The following CAPN7 variants were observed in gnomAD, a reference collection of about 807,000 sequenced individuals.
CAPN7 encodes calpain-7.
A neutral mutation model predicts 115.2 loss-of-function variants in CAPN7; 72 were observed. The ratio of observed to expected loss-of-function variants is 0.63; its 90% CI spans 0.52 to 0.76. The LOEUF is 0.76. Ranked by LOEUF, CAPN7 falls within the 30% of genes least tolerant of loss-of-function variation. The pLI is 0.00. For synonymous variants in CAPN7, 344 were observed against 322.3 expected, an observed-to-expected ratio of 1.07 and a Z score of -0.72; for missense variants, 905 against 971.5, an observed-to-expected ratio of 0.93 and a Z score of 0.91.
rs143858420 is a variant in CAPN7, at chr3:15,235,427, G to A, written c.1407+282G>A. 9.2e-5 allele frequency among the ~76,000 whole-genome samples: 14 copies of A among 152,264 alleles called. 1 individual carries two copies. Among genetic ancestry groups the A allele is most frequent in the African/African-American group, 3.4e-4 (14 of 41,564 alleles). On this transcript the variant is annotated intron_variant, in intron 12 of 20. Coordinates refer to ENST00000253693, the MANE Select transcript of CAPN7 (RefSeq NM_014296.3). ...CAGCAGTTTTGAGGCGGAATACATA[G>A]CTTCCAAGATTCCAAGCTTCTTCTT...
chr3:15,206,406 A>T lies in CAPN7; in HGVS notation c.-90A>T. ...TGCCGCTCCTTCCGCGGCGCTCCCG[A>T]GTCCTCGCCGCCGCCGGGCCGCCGC... On this transcript the variant is annotated 5_prime_UTR_variant, in exon 1 of 21. Coordinates refer to ENST00000253693, the MANE Select transcript of CAPN7 (RefSeq NM_014296.3). 1 of 938,152 alleles carries T rather than the reference A, an allele frequency of 1.1e-6. No homozygotes were observed. Among genetic ancestry groups the T allele is most frequent in the Non-Finnish European group, 1.6e-6 (1 of 616,802 alleles). 58.1% of individuals were successfully genotyped at this position (938,152 alleles called of 1,614,324 possible). A position where few individuals can be genotyped will look rare whatever the true frequency, so the allele number is the denominator to read the frequency against.
At chr3:15,242,023 T>A (rs1249512481) in intron 15 of CAPN7, among the ~76,000 whole-genome samples, 155 bp from the exon 16 acceptor site, 1 of 152,190 alleles carries the variant, frequency 6.6e-6, no homozygotes, top group Admixed American at 6.5e-5. Context: ...AGAAAAACAA[T>A]GTTTCTTATA....
chr3:15,230,942 A>G (rs949258352), intron 9 of CAPN7, among the ~76,000 whole-genome samples: 8 of 152,198 alleles, frequency 5.3e-5, no homozygotes, highest in Admixed American at 3.9e-4. Flanking sequence ...CCTTTTAAAT[A>G]TATATGCATA....
rs1553611672 is a variant in CAPN7, at chr3:15,251,322, GC to G, written c.*63del. On this transcript the variant is annotated 3_prime_UTR_variant, in exon 21 of 21. Transcript: ENST00000253693. ...AAACATCAGTTCTTCAAATAAGGAC[GC>G]AAATCTTCAGGACAGTAAGCAGAAC... The G allele has an allele frequency of 7.4e-7, 1 of 1,347,124 alleles. No homozygotes were observed. The allele number at this position is 1,347,124 out of a possible 1,614,324, so 83.4% of individuals were successfully genotyped here. A position where few individuals can be genotyped will look rare whatever the true frequency, so the allele number is the denominator to read the frequency against.
chr3:15,251,083 T>C (rs1483325743), intron 20 of CAPN7, 33 bp from the exon 21 acceptor site: 2 of 1,601,054 alleles, frequency 1.2e-6, no homozygotes, highest in Non-Finnish European at 8.5e-7. Context: ...CATCATCTTC[T>C]ATAAACCTTA....
chr3:15,251,462 GT>G lies in CAPN7; in HGVS notation c.*205del. 2 of 435,856 alleles carry G rather than the reference GT, an allele frequency of 4.6e-6. No homozygotes were observed. Among genetic ancestry groups the G allele is most frequent in the South Asian group, 9.9e-5 (2 of 20,232 alleles). 27.0% of individuals were successfully genotyped at this position (435,856 alleles called of 1,614,324 possible). On this transcript the variant is annotated 3_prime_UTR_variant, in exon 21 of 21. Transcript: ENST00000253693. ...ATTACCTAAATCACCTAGAGGTACC[GT>G]TTACATGGTTTTGTGTATATAGAGT...
intron 4 of CAPN7, among the ~76,000 whole-genome samples, chr3:15,220,192 G>A (rs140367859): frequency 1.3e-5 from 2 of 151,232 alleles, no homozygotes; most frequent in East Asian, 1.9e-4. Context: ...AGAGTGAAAC[G>A]CCGTCTCAAA....
intron 10 of CAPN7, among the ~76,000 whole-genome samples, chr3:15,233,108 C>T (rs889538691): frequency 6.6e-6 from 1 of 152,162 alleles, no homozygotes; most frequent in African/African-American, 2.4e-5. Flanking sequence ...ATTGGCATGA[C>T]TTTAAATTCT....
At chr3:15,225,943 C>T (rs952307984) in intron 6 of CAPN7, among the ~76,000 whole-genome samples, 21 of 152,098 alleles carry the variant, frequency 1.4e-4, no homozygotes, top group East Asian at 1.9e-4. Context: ...AACAGATCAT[C>T]AGGAAAAGGC....
chr3:15,238,120 T>C (rs1266859542), intron 12 of CAPN7, among the ~76,000 whole-genome samples: 1 of 128,696 alleles, frequency 7.8e-6, no homozygotes, highest in African/African-American at 2.9e-5. Context: ...TTTTTTTTTT[T>C]TTTTTTTTTT....
At chr3:15,232,328 A>G (rs139917082) in intron 9 of CAPN7, among the ~76,000 whole-genome samples, 191 bp from the exon 10 acceptor site, 137 of 152,358 alleles carry the variant, frequency 9.0e-4, no homozygotes, top group African/African-American at 2.9e-3. Flanking sequence ...AGCTTGTAAA[A>G]TTGAATAAAG....
At chr3:15,220,742 A>G (rs1364044439) in intron 4 of CAPN7, 39 bp from the exon 5 acceptor site, 7 of 1,586,532 alleles carry the variant, frequency 4.4e-6, no homozygotes, top group African/African-American at 2.7e-5. Flanking sequence ...AAATGTGAGT[A>G]GAAAAACTAG....
intron 1 of CAPN7, among the ~76,000 whole-genome samples, chr3:15,207,355 C>G (rs753423325): frequency 6.6e-6 from 1 of 152,124 alleles, no homozygotes; most frequent in African/African-American, 2.4e-5. Flanking sequence ...GCTTGCAGGA[C>G]TGGAAGTTGC....
chr3:15,222,106 A>C (rs1317280554), intron 5 of CAPN7, among the ~76,000 whole-genome samples: 1 of 151,692 alleles, frequency 6.6e-6, no homozygotes, highest in Admixed American at 6.6e-5. Flanking sequence ...CAGAAACCTC[A>C]TTGCAAAGCC....
At chr3:15,216,506 T>C (rs916223224) in intron 2 of CAPN7, among the ~76,000 whole-genome samples, 1 of 152,232 alleles carries the variant, frequency 6.6e-6, no homozygotes, top group Non-Finnish European at 1.5e-5. Context: ...TAAGAGATCT[T>C]TATATATTCT....
At chr3:15,230,382 TA>T (rs1330375945) in intron 8 of CAPN7, 59 bp from the exon 9 acceptor site, 6 of 1,082,322 alleles carry the variant, frequency 5.5e-6, no homozygotes, top group Non-Finnish European at 8.6e-6. Flanking sequence ...AAATGTGCTG[TA>T]TAGTAGTTGA....
chr3:15,210,596 C>CTTTTTTTTTTTTTTTTTTTTTTTTTTTTT (rs371169868), intron 1 of CAPN7, among the ~76,000 whole-genome samples: 3 of 104,490 alleles, frequency 2.9e-5, no homozygotes, highest in Admixed American at 9.8e-5. Context: ...TGCTTCCTTC[C>CTTTTTTTTTTTTTTTTTTTTTTTTTTTTT]TTTTTTTTTT....
At chr3:15,207,858 CT>C (rs996411920) in intron 1 of CAPN7, among the ~76,000 whole-genome samples, 5 of 151,858 alleles carry the variant, frequency 3.3e-5, no homozygotes, top group Non-Finnish European at 5.9e-5. Context: ...TTATAGTTAA[CT>C]TTTTTTTATA....
intron 5 of CAPN7, among the ~76,000 whole-genome samples, chr3:15,221,814 A>G (rs1694008050): frequency 6.6e-6 from 1 of 151,994 alleles, no homozygotes; most frequent in Admixed American, 6.6e-5. Context: ...TACTACAAAT[A>G]CAAAAAATAG....
Sources: gnomAD v4.1 joint callset for allele counts (sites outside exome capture counted in the v4.1 genomes callset) on GRCh38, gnomAD v4.1.1 for gene constraint, MANE v1.5 for transcripts, NCBI Gene and HGNC (gene_info 2026-07-23, HGNC 2026-07-21) for gene names.